GALNT6: variants seen among roughly 807,000 people sequenced by gnomAD.
GALNT6 encodes polypeptide N-acetylgalactosaminyltransferase 6, also known as GalNAc transferase 6.
GALNT6 carries 51 observed loss-of-function variants against 65.9 expected under a neutral mutation model. The ratio of observed to expected loss-of-function variants is 0.77; its 90% CI spans 0.62 to 0.98. GALNT6 has a LOEUF of 0.98. Among genes scored for constraint, GALNT6 ranks in the 50% least tolerant of loss-of-function variants. The pLI is 0.00. For synonymous variants in GALNT6, 323 were observed against 315.1 expected (o/e 1.02, Z -0.26); for missense variants, 708 against 803.3 (o/e 0.88, Z 1.43).
rs1592363684 is a variant in GALNT6 at position 51,387,184 on chromosome 12, G to A, written c.-104+3666C>T. 6.6e-6 allele frequency among the ~76,000 whole-genome samples: 1 copy of A among 151,654 alleles called. No homozygotes were observed. The highest frequency in any genetic ancestry group is 2.1e-4 in the South Asian group (1 of 4,812). ...GGGATCTCGGCTCACTGCAACCTCC[G>A]ACTCCTGGGTTCAAGCGATTCTCAT... On this transcript the variant is annotated intron_variant, in intron 2 of 11. Coordinates refer to ENST00000356317, the MANE Select transcript of GALNT6 (RefSeq NM_007210.4). This position sits in a 1 kb window ranked among gnomAD's most constrained non-coding sequence, Gnocchi z 4.2.
At chr12:51,368,168 TGAG>T (rs1947171457) in intron 4 of GALNT6, among the ~76,000 whole-genome samples, 1 of 151,502 alleles carries the variant, frequency 6.6e-6, no homozygotes, top group African/African-American at 2.4e-5. Flanking sequence ...CAGATTAAGA[TGAG>T]AAGGCCAAGG....
chr12:51,381,201 T>C (rs1288616303), intron 2 of GALNT6, among the ~76,000 whole-genome samples: 1 of 152,214 alleles, frequency 6.6e-6, no homozygotes, highest in Non-Finnish European at 1.5e-5. Flanking sequence ...AATCGCACCA[T>C]TGCTCTTCAG....
chr12:51,390,229 C>T (rs1289192359), intron 2 of GALNT6, among the ~76,000 whole-genome samples: 1 of 137,774 alleles, frequency 7.3e-6, no homozygotes, highest in African/African-American at 2.7e-5. Context: ...ATGGTGCGAT[C>T]TCAGCTCACT....
chr12:51,365,621 T>G (rs924099042), intron 4 of GALNT6, 42 bp from the exon 5 acceptor site: 1 of 1,596,940 alleles, frequency 6.3e-7, no homozygotes, highest in Non-Finnish European at 8.6e-7. Context: ...ACCACTTTGC[T>G]GTATACCCAA....
At chr12:51,357,703 G>A (rs1474743116) in intron 9 of GALNT6, among the ~76,000 whole-genome samples, 5 of 152,196 alleles carry the variant, frequency 3.3e-5, no homozygotes, top group African/African-American at 1.2e-4. Flanking sequence ...AACCTCCCAG[G>A]ATGCCAGGTC....
chr12:51,360,716 C>G lies in GALNT6; in HGVS notation c.1167+5G>C. ...GGTTCCCCCCAAAGCCCTCTTCACT[C>G]TCACCCGGAAGGACATTTCCACGTT... is the stretch of plus-strand genomic sequence containing the variant. On this transcript the variant is annotated splice_donor_5th_base_variant and intron_variant, in intron 7 of 11. Coordinates refer to ENST00000356317, the MANE Select transcript of GALNT6 (RefSeq NM_007210.4). 6.5e-7 allele frequency: 1 copy of G among 1,549,386 alleles called. No individual in the cohort carries two copies. Among genetic ancestry groups the G allele is most frequent in the Non-Finnish European group, 8.9e-7 (1 of 1,121,232 alleles).
intron 2 of GALNT6, among the ~76,000 whole-genome samples, chr12:51,381,777 C>T (rs906403599): frequency 2.0e-5 from 3 of 152,228 alleles, no homozygotes; most frequent in African/African-American, 7.2e-5. Flanking sequence ...GGCAGAGCAC[C>T]TGTCACACTA....
Position 51,373,917 on chromosome 12 carries a change from T to G in GALNT6, c.664+3278A>C, listed in dbSNP as rs182431617. On this transcript the variant is annotated intron_variant, in intron 4 of 11. Transcript: ENST00000356317. ...CTCTATTGCCTAGGCTGGAGTACAA[T>G]GGTGCAGTCAAGGCTCACTGCAGTC... Among the ~76,000 whole-genome samples, 125 of 152,352 alleles carry G rather than the reference T, an allele frequency of 8.2e-4. 1 individual carries two copies. Among genetic ancestry groups the G allele is most frequent in the African/African-American group, 2.9e-3 (122 of 41,582 alleles).
chr12:51,356,353 CT>C (rs58408607), intron 10 of GALNT6, among the ~76,000 whole-genome samples: 29,791 of 67,654 alleles, frequency 0.44, 5,377 homozygotes, highest in East Asian at 0.74. Context: ...TATATTTTCT[CT>C]TTTTTTTTTT....
At chr12:51,369,160 G>A (rs1947207774) in intron 4 of GALNT6, among the ~76,000 whole-genome samples, 1 of 152,192 alleles carries the variant, frequency 6.6e-6, no homozygotes, top group Admixed American at 6.5e-5. Context: ...TAGGAAGTGG[G>A]TTTTGTGGTG....
In GALNT6 at chr12:51,364,281, C is replaced by T. The variant is rs760691190; in HGVS notation, c.889G>A (p.Asp297Asn). Residue 297 changes from aspartate (D) to asparagine (N), a missense_variant, in exon 6 of 12, where the codon GAC becomes AAC. By Grantham distance (23) the Asp-to-Asn change is conservative. Transcript: ENST00000356317. ...GTATTAAGGTCGATGGTGACGATGT[C>T]TGGGCTCACCACCACTGTCTTGTCC... ...AEDKTVVVSP[D>N]IVTIDLNTFE... The T allele has an allele frequency of 2.5e-6, 4 of 1,614,180 alleles. No individual in the cohort carries two copies. In the South Asian group the frequency reaches 4.4e-5, roughly 18 times the overall value.
At chr12:51,388,262 C>A (rs142903501) in intron 2 of GALNT6, among the ~76,000 whole-genome samples, 1 of 152,208 alleles carries the variant, frequency 6.6e-6, no homozygotes, top group Admixed American at 6.5e-5. Flanking sequence ...TCAGCAGGAG[C>A]TGCCTGCCAG....
At position 51,352,978 on chromosome 12, in the gene GALNT6, G is replaced by A. The variant is rs1245692588; in HGVS notation, c.*1401C>T. On this transcript the variant is annotated 3_prime_UTR_variant, in exon 12 of 12. Transcript: ENST00000356317. ...TGAGCCACCGTGCCCGGCCCTGGCTGTTTTCCTATGCTCTGTGGAGGCCAG... is the reference window on the plus strand; with the variant it reads ...TGAGCCACCGTGCCCGGCCCTGGCTATTTTCCTATGCTCTGTGGAGGCCAG... 1 of 152,224 alleles carries A rather than the reference G, an allele frequency of 6.6e-6. No individual in the cohort carries two copies. Among genetic ancestry groups the A allele is most frequent in the East Asian group, 1.9e-4 (1 of 5,190 alleles). The allele number at this position is 152,224 out of a possible 1,614,324, so 9.4% of individuals were successfully genotyped here.
intron 3 of GALNT6, among the ~76,000 whole-genome samples, chr12:51,378,898 G>C (rs987660688): frequency 4.3e-4 from 54 of 126,214 alleles, no homozygotes; most frequent in African/African-American, 1.6e-3. Context: ...CCCCCAAACA[G>C]CTCAGCATTA....
At chr12:51,363,525 A>AT (rs1946993719) in intron 6 of GALNT6, among the ~76,000 whole-genome samples, 1 of 152,258 alleles carries the variant, frequency 6.6e-6, no homozygotes. Flanking sequence ...AGCAAACTAT[A>AT]TGTGGCTGGC....
intron 7 of GALNT6, chr12:51,359,761 GGCTA>G (rs1278122952): frequency 1.3e-5 from 2 of 153,760 alleles, no homozygotes; most frequent in Non-Finnish European, 2.9e-5. Context: ...GCTGCTAGGT[GGCTA>G]GTGGTAGTCA....
chr12:51,385,838 T>C (rs567555252), intron 2 of GALNT6, among the ~76,000 whole-genome samples: 172 of 152,248 alleles, frequency 1.1e-3, no homozygotes, highest in Admixed American at 1.9e-3. Context: ...CCATAAACTT[T>C]TTTTTTTTCT....
intron 4 of GALNT6, among the ~76,000 whole-genome samples, chr12:51,369,112 G>A (rs1336719864): frequency 6.6e-6 from 1 of 152,224 alleles, no homozygotes; most frequent in Non-Finnish European, 1.5e-5. Flanking sequence ...CGCACAGGAA[G>A]TTCACGGTAG....
chr12:51,383,380 A>G (rs527836637), intron 2 of GALNT6: 10 of 152,326 alleles, frequency 6.6e-5, no homozygotes, highest in African/African-American at 2.4e-4. Flanking sequence ...TTCCCACTCC[A>G]GCAAGAAAGA....
Sources: gnomAD v4.1 joint callset for allele counts (sites outside exome capture counted in the v4.1 genomes callset) on GRCh38, gnomAD v4.1.1 for gene constraint, Gnocchi (gnomAD v3.1) non-coding constraint, MANE v1.5 for transcripts, NCBI Gene and HGNC (gene_info 2026-07-23, HGNC 2026-07-21) for gene names.